CUX1: variants seen among roughly 807,000 people sequenced by gnomAD.
CUX1 encodes protein CASP.
CUX1 carries 31 observed loss-of-function variants against 158.8 expected under a neutral mutation model. The ratio of observed to expected loss-of-function variants is 0.20; its 90% CI spans 0.15 to 0.26. The LOEUF (loss-of-function observed/expected upper bound fraction) is 0.26. Among genes scored for constraint, CUX1 ranks in the 10% least tolerant of loss-of-function variants. The probability of loss-of-function intolerance (pLI) is 1.00; values close to 1 mark genes in which losing one functional copy is unlikely to be tolerated. For missense variants in CUX1, 1,589 were observed against 2,014.6 expected, an observed-to-expected ratio of 0.79 and a Z score of 4.04; for synonymous variants, 879 against 862.1, an observed-to-expected ratio of 1.02 and a Z score of -0.34.
intron 1 of CUX1, among the ~76,000 whole-genome samples, chr7:101,840,996 C>A (rs1019516046): frequency 5.3e-5 from 8 of 151,846 alleles, no homozygotes; most frequent in Non-Finnish European, 1.0e-4. Context: ...CGGGTTCACA[C>A]CATTTTCCTG....
At chr7:101,872,444 T>C (rs1405551398) in intron 1 of CUX1, among the ~76,000 whole-genome samples, 2 of 151,830 alleles carry the variant, frequency 1.3e-5, no homozygotes, top group East Asian at 3.9e-4. Flanking sequence ...CATAGAAGGA[T>C]TTTTTTGGGG....
intron 3 of CUX1, among the ~76,000 whole-genome samples, chr7:102,065,729 C>T (rs1825470624): frequency 6.6e-6 from 1 of 151,960 alleles, no homozygotes; most frequent in Non-Finnish European, 1.5e-5. Context: ...AGTGGAGGAA[C>T]ACTGGGGTTT....
chr7:102,161,794 G>T lies in CUX1; in HGVS notation c.723+3186G>T, dbSNP rs142210197. ...AGCTAATTTTTATAGTTTTAGTAGA[G>T]ACGGGGTTTCACCGTGTTGGCCAGG... On this transcript the variant is annotated intron_variant, in intron 9 of 23. Coordinates refer to ENST00000292535, the MANE Select transcript of CUX1 (RefSeq NM_181552.4). Among the ~76,000 whole-genome samples the T allele has an allele frequency of 1.6e-3, 242 of 152,208 alleles. 1 individual carries two copies. Among genetic ancestry groups the T allele is most frequent in the African/African-American group, 5.7e-3 (237 of 41,514 alleles).
At chr7:101,958,699 C>CA (rs1231925763) in intron 2 of CUX1, among the ~76,000 whole-genome samples, 6 of 151,618 alleles carry the variant, frequency 4.0e-5, no homozygotes, top group African/African-American at 1.5e-4. Flanking sequence ...AGGCTGGTCT[C>CA]AAACTCCTGG....
chr7:101,831,378 C>G (rs1358894301), intron 1 of CUX1, among the ~76,000 whole-genome samples: 1 of 151,958 alleles, frequency 6.6e-6, no homozygotes, highest in Non-Finnish European at 1.5e-5. Flanking sequence ...GCAACCTCTG[C>G]TTCCTGGGTT....
In CUX1 at chr7:101,916,090, T is replaced by C; in HGVS notation, c.31-25T>C. The C allele has an allele frequency of 6.4e-7, 1 of 1,550,540 alleles. No homozygotes were observed. The highest frequency in any genetic ancestry group is 1.1e-5 in the South Asian group (1 of 89,734). The stretch of plus-strand genomic sequence containing the variant: ...GTACACAGTGCAATTACAATCTCAC[T>C]TTTCCTTTCCTGTTTCCCCAACAGA... On this transcript the variant is annotated intron_variant, in intron 1 of 23. Coordinates refer to ENST00000292535, the MANE Select transcript of CUX1 (RefSeq NM_181552.4). The surrounding 1 kb of genome is among the most constrained non-coding windows in gnomAD (Gnocchi z 4.4).
At chr7:102,277,933 GC>G in intron 17 of CUX1, 6 of 799,646 alleles carry the variant, frequency 7.5e-6, no homozygotes, top group Non-Finnish European at 1.1e-5. Flanking sequence ...CCCTTTCCTT[GC>G]CCCTCCCCCC....
At chr7:102,156,076 A>G (rs973523096) in intron 8 of CUX1, among the ~76,000 whole-genome samples, 1 of 152,208 alleles carries the variant, frequency 6.6e-6, no homozygotes, top group Admixed American at 6.5e-5. Flanking sequence ...CTGTTACCCT[A>G]TTCAGGCTGC....
chr7:101,861,583 G>C (rs1362593597), intron 1 of CUX1, among the ~76,000 whole-genome samples: 3 of 151,264 alleles, frequency 2.0e-5, no homozygotes, highest in Non-Finnish European at 2.9e-5. Context: ...GCGGAGGACT[G>C]GGGGCTCAGT....
intron 2 of CUX1, among the ~76,000 whole-genome samples, chr7:101,970,223 G>C (rs571775489): frequency 3.3e-5 from 5 of 152,274 alleles, no homozygotes; most frequent in Admixed American, 2.0e-4. Context: ...GAATGGCACT[G>C]AGTGATGGGT....
intron 2 of CUX1, among the ~76,000 whole-genome samples, chr7:101,920,710 A>G (rs1284026203): frequency 2.0e-5 from 3 of 152,264 alleles, no homozygotes; most frequent in Non-Finnish European, 4.4e-5. Context: ...ATAAAATTGT[A>G]TACGTTTTCT....
intron 8 of CUX1, among the ~76,000 whole-genome samples, chr7:102,137,901 G>T (rs1554499159): frequency 6.6e-6 from 1 of 151,980 alleles, no homozygotes; most frequent in Non-Finnish European, 1.5e-5. Flanking sequence ...AAAAAATCTA[G>T]TTGGCCAAGC....
Position 102,111,727 on chromosome 7 carries a change from C to T in CUX1, c.560C>T (p.Thr187Ile), listed in dbSNP as rs1408874096. 1 of 1,614,206 alleles carries T rather than the reference C, an allele frequency of 6.2e-7. No homozygotes were observed. Among genetic ancestry groups the T allele is most frequent in the Non-Finnish European group, 8.5e-7 (1 of 1,180,012 alleles). Residue 187 changes from threonine (T) to isoleucine (I), a missense_variant, in exon 7 of 24, where the codon ACC becomes ATC. Coordinates refer to ENST00000292535, the MANE Select transcript of CUX1 (RefSeq NM_181552.4). Reference sequence around the variant, plus strand: ...CTGCAGGAGACACAGATGTCCACCACCTCAAAGCTGGAGGAAGCTGAGCAT... The same window carrying T: ...CTGCAGGAGACACAGATGTCCACCATCTCAAAGCTGGAGGAAGCTGAGCAT... ...RKLQETQMST[T>I]SKLEEAEHKV...
chr7:102,229,997 C>T (rs1314447640), intron 21 of CUX1, among the ~76,000 whole-genome samples: 4 of 152,124 alleles, frequency 2.6e-5, no homozygotes, highest in African/African-American at 9.7e-5. Flanking sequence ...GGTTTAGGCA[C>T]GCGGAGATTG....
At chr7:101,868,048 T>C (rs1044640719) in intron 1 of CUX1, among the ~76,000 whole-genome samples, 4 of 152,168 alleles carry the variant, frequency 2.6e-5, no homozygotes, top group Admixed American at 1.3e-4. Context: ...GGTCTCGCTA[T>C]GTTACCCAGG....
At chr7:101,822,191 T>C (rs1368429101) in intron 1 of CUX1, 1 of 152,182 alleles carries the variant, frequency 6.6e-6, no homozygotes, top group Non-Finnish European at 1.5e-5. Flanking sequence ...GCCCTCTGGA[T>C]TGACTGTGTT....
At chr7:102,158,412 G>C (rs1790027691) in intron 8 of CUX1, 148 bp from the exon 9 acceptor site, 1 of 655,146 alleles carries the variant, frequency 1.5e-6, no homozygotes, top group Non-Finnish European at 2.7e-6. Context: ...TCTTCCCCCA[G>C]TGTGAGCCCA....
intron 2 of CUX1, among the ~76,000 whole-genome samples, chr7:102,013,203 A>T (rs1404183189): frequency 6.6e-6 from 1 of 152,100 alleles, no homozygotes; most frequent in African/African-American, 2.4e-5. Context: ...TGTGGCTGAG[A>T]CGTAGATCAA....
chr7:102,047,770 C>T (rs1456782452), intron 3 of CUX1, among the ~76,000 whole-genome samples: 1 of 152,160 alleles, frequency 6.6e-6, no homozygotes, highest in East Asian at 1.9e-4. Context: ...GCAGATCTCC[C>T]TTCCCTTGGA....
Sources: gnomAD v4.1 joint callset for allele counts (sites outside exome capture counted in the v4.1 genomes callset) on GRCh38, gnomAD v4.1.1 for gene constraint, Gnocchi (gnomAD v3.1) non-coding constraint, MANE v1.5 for transcripts, NCBI Gene and HGNC (gene_info 2026-07-23, HGNC 2026-07-21) for gene names.